The following NR5A1 variants were observed in gnomAD, a reference collection of about 807,000 sequenced individuals.
NR5A1 encodes the protein nuclear receptor subfamily 5 group A member 1.
NR5A1 carries 6 observed loss-of-function variants against 42.7 expected under a neutral mutation model. The ratio of observed to expected loss-of-function variants is 0.14; its 90% CI spans 0.08 to 0.28. The LOEUF (loss-of-function observed/expected upper bound fraction) is 0.28. Among genes scored for constraint, NR5A1 ranks in the 10% least tolerant of loss-of-function variants. NR5A1 has a pLI of 1.00. For synonymous variants in NR5A1, 274 were observed against 277.5 expected, an observed-to-expected ratio of 0.99 and a Z score of 0.12; for missense variants, 442 against 626.4, an observed-to-expected ratio of 0.71 and a Z score of 3.14.
chr9:124,482,444 G>C lies in NR5A1; in HGVS notation c.*314C>G, dbSNP rs903016039. 2.4e-6 allele frequency: 1 copy of C among 420,170 alleles called. No individual in the cohort carries two copies. The highest frequency in any genetic ancestry group is 4.5e-6 in the Non-Finnish European group (1 of 223,022). 26.0% of individuals were successfully genotyped at this position (420,170 alleles called of 1,614,324 possible). ...CCGAACCTCCTCCCCGGACCTGCAG[G>C]CTTCAGACTCCAGGAGAGAGAGCTG... On this transcript the variant is annotated 3_prime_UTR_variant, in exon 7 of 7. Coordinates refer to ENST00000373588, the MANE Select transcript of NR5A1 (RefSeq NM_004959.5).
rs1042873205 is a variant in NR5A1, at chr9:124,500,024, G to A, written c.870+66C>T. The stretch of plus-strand genomic sequence containing the variant: ...GGATGGCCCTATCCAAAGGACAGTC[G>A]GGCTAAGGCTTGGGCAGCCGGGAGG... On this transcript the variant is annotated intron_variant, in intron 4 of 6. Transcript: ENST00000373588. This position sits in a 1 kb window ranked among gnomAD's most constrained non-coding sequence, Gnocchi z 6.9. 1.1e-4 allele frequency: 181 copies of A among 1,610,802 alleles called. 2 individuals carry two copies. The South Asian group carries it at 1.8e-3, about 16-fold the overall frequency.
rs76584717 is a variant in NR5A1 at position 124,503,496 on chromosome 9, G to A, written c.-15-86C>T. ...GCCGCCGCCCCAGCCGCTGTCGCCG[G>A]CCCGTCGCGTAATCCCCTCTCTGTG... is the stretch of plus-strand genomic sequence containing the variant. On this transcript the variant is annotated intron_variant, in intron 1 of 6. Transcript: ENST00000373588. This position sits in a 1 kb window ranked among gnomAD's most constrained non-coding sequence, Gnocchi z 9.6. The A allele has an allele frequency of 9.3e-3, 10,512 of 1,125,338 alleles. 403 individuals carry two copies. In the East Asian group the frequency reaches 0.13, roughly 14 times the overall value. 69.7% of individuals were successfully genotyped at this position (1,125,338 alleles called of 1,614,324 possible). A position where few individuals can be genotyped will look rare whatever the true frequency, so the allele number is the denominator to read the frequency against.
rs562173609 is a variant in NR5A1 at position 124,488,873 on chromosome 9, G to A, written c.1138+2208C>T. Among the ~76,000 whole-genome samples, 551 of 152,326 alleles carry A rather than the reference G, an allele frequency of 3.6e-3. 2 individuals carry two copies. The highest frequency in any genetic ancestry group is 0.012 in the African/African-American group (509 of 41,586). On this transcript the variant is annotated intron_variant, in intron 6 of 6. Coordinates refer to ENST00000373588, the MANE Select transcript of NR5A1 (RefSeq NM_004959.5). ...TCTGTCACACACACAGCACGAGTGCGCACGCACGCACCCTTCTCCCCTCAA... is the reference window on the plus strand; with the variant it reads ...TCTGTCACACACACAGCACGAGTGCACACGCACGCACCCTTCTCCCCTCAA...
chr9:124,491,021 A>G, intron 6 of NR5A1, 60 bp downstream of exon 6: 29 of 237,390 alleles, frequency 1.2e-4, no homozygotes, highest in Non-Finnish European at 2.0e-4. Flanking sequence ...AGCCTCACCC[A>G]CCCTCCCACC....
chr9:124,493,265 T>C, intron 4 of NR5A1, 116 bp from the exon 5 acceptor site: 1 of 1,355,902 alleles, frequency 7.4e-7, no homozygotes, highest in Non-Finnish European at 9.9e-7. Context: ...CAAGCTAACC[T>C]CTCTGTGCCC....
chr9:124,503,886 C>A lies in NR5A1; in HGVS notation c.-15-476G>T, dbSNP rs560010315. Among the ~76,000 whole-genome samples the A allele has an allele frequency of 1.8e-4, 27 of 152,032 alleles. No homozygotes were observed. In the East Asian group the frequency reaches 4.5e-3, roughly 25 times the overall value. ...AGCCAGAGATGGGAAGAAACTCTGG[C>A]GAGAGACAACGACCGACGCCACCGG... On this transcript the variant is annotated intron_variant, in intron 1 of 6. Transcript: ENST00000373588. The surrounding 1 kb of genome is among the most constrained non-coding windows in gnomAD (Gnocchi z 9.6).
Position 124,503,555 on chromosome 9 carries a change from C to T in NR5A1, c.-15-145G>A. The T allele has an allele frequency of 1.7e-6, 1 of 597,146 alleles. No individual in the cohort carries two copies. The highest frequency in any genetic ancestry group is 3.5e-5 in the East Asian group (1 of 28,484). The allele number at this position is 597,146 out of a possible 1,614,324, so 37.0% of individuals were successfully genotyped here. ...CTGCCGCCGGCACCCACCGAGCGCC[C>T]CGCGCAGCGTCCCGGGGTGGGTCCG... On this transcript the variant is annotated intron_variant, in intron 1 of 6. Coordinates refer to ENST00000373588, the MANE Select transcript of NR5A1 (RefSeq NM_004959.5). The surrounding 1 kb of genome is among the most constrained non-coding windows in gnomAD (Gnocchi z 9.6).
In NR5A1 at chr9:124,498,070, C is replaced by G. The variant is rs542067424; in HGVS notation, c.870+2020G>C. ...CCCAGTGTCCAGCCCAAGGGCTGCT[C>G]CACTCTCAGAGCCAGAGAGCCCCCT... On this transcript the variant is annotated intron_variant, in intron 4 of 6. Transcript: ENST00000373588. This position sits in a 1 kb window ranked among gnomAD's most constrained non-coding sequence, Gnocchi z 4.6. 7.9e-5 allele frequency among the ~76,000 whole-genome samples: 12 copies of G among 152,194 alleles called. No homozygotes were observed. The highest frequency in any genetic ancestry group is 1.6e-4 in the Non-Finnish European group (11 of 68,026).
intron 5 of NR5A1, 45 bp downstream of exon 5, chr9:124,492,985 C>T (rs750819627): frequency 2.6e-5 from 39 of 1,525,088 alleles, no homozygotes; most frequent in Non-Finnish European, 3.3e-5. Context: ...AAGTGCACAG[C>T]GGGGCCAGGG....
In NR5A1 at chr9:124,498,825, C is replaced by T. The variant is rs374442020; in HGVS notation, c.870+1265G>A. Among the ~76,000 whole-genome samples, 43 of 152,328 alleles carry T rather than the reference C, an allele frequency of 2.8e-4. No individual in the cohort carries two copies. Among genetic ancestry groups the T allele is most frequent in the African/African-American group, 9.6e-4 (40 of 41,574 alleles). ...ATGACAGGCGCTCCACGGTGGAAGC[C>T]GTAGCCACCACCATCAATCCTCGAC... On this transcript the variant is annotated intron_variant, in intron 4 of 6. Transcript: ENST00000373588. The surrounding 1 kb of genome is among the most constrained non-coding windows in gnomAD (Gnocchi z 4.6).
intron 6 of NR5A1, 64 bp downstream of exon 6, chr9:124,491,017 A>AACCCCC: frequency 3.7e-5 from 17 of 457,440 alleles, no homozygotes; most frequent in Non-Finnish European, 6.7e-5. Context: ...CTCCAGCCTC[A>AACCCCC]CCCACCCTCC....
rs1650884256 is a variant in NR5A1 at position 124,501,183 on chromosome 9, A to C, written c.245-468T>G. Among the ~76,000 whole-genome samples, 1 of 152,018 alleles carries C rather than the reference A, an allele frequency of 6.6e-6. No individual in the cohort carries two copies. ...TCATGCCATGTGCTCCTGCGGGCTA[A>C]GTTCTGGGCTCAGGTGTCTAGCATA... On this transcript the variant is annotated intron_variant, in intron 3 of 6. Transcript: ENST00000373588. This position sits in a 1 kb window ranked among gnomAD's most constrained non-coding sequence, Gnocchi z 4.1.
intron 4 of NR5A1, among the ~76,000 whole-genome samples, chr9:124,499,079 G>A (rs966723382): frequency 6.6e-6 from 1 of 152,218 alleles, no homozygotes; most frequent in Non-Finnish European, 1.5e-5. Flanking sequence ...ACAGCCAGGG[G>A]GTCAGCCTGG....
Position 124,500,256 on chromosome 9 carries a change from G to A in NR5A1, c.704C>T (p.Pro235Leu), listed in dbSNP as rs199761539. Reference sequence around the variant, plus strand: ...GCGGGCCCGCACCTGGTCCTCATCCGGCTCCAGCTGCAGCAGCTGCAGGAT... The same window carrying A: ...GCGGGCCCGCACCTGGTCCTCATCCAGCTCCAGCTGCAGCAGCTGCAGGAT... The part of the protein sequence containing the change: ...ELILQLLQLE[P>L]DEDQVRARIL... The change falls in exon 4 of 7, where the codon CCG becomes CTG. Residue 235 changes from proline (P) to leucine (L), a missense_variant. Pro to Leu is a moderately conservative substitution (Grantham distance 98). Coordinates refer to ENST00000373588, the MANE Select transcript of NR5A1 (RefSeq NM_004959.5). This position sits in a 1 kb window ranked among gnomAD's most constrained non-coding sequence, Gnocchi z 6.9. The A allele has an allele frequency of 3.1e-5, 49 of 1,594,878 alleles. No homozygotes were observed. In the Admixed American group the frequency reaches 3.7e-4, roughly 12 times the overall value.
chr9:124,482,409 C>G lies in NR5A1; in HGVS notation c.*349G>C. On this transcript the variant is annotated 3_prime_UTR_variant, in exon 7 of 7. Transcript: ENST00000373588. The stretch of plus-strand genomic sequence containing the variant: ...CTGATCCAAGGGACGTCGAGGCCCA[C>G]CAGGGAATCCCGAACCTCCTCCCCG... The G allele has an allele frequency of 2.7e-6, 1 of 375,972 alleles. No homozygotes were observed. 23.3% of individuals were successfully genotyped at this position (375,972 alleles called of 1,614,324 possible). A position where few individuals can be genotyped will look rare whatever the true frequency, so the allele number is the denominator to read the frequency against.
rs1832497878 is a variant in NR5A1, at chr9:124,503,388, T to C, written c.8A>G (p.Tyr3Cys). Reference sequence around the variant, plus strand: ...CTCGTCCAGGTCCTCGTCGTACGAATAGTCCATGCCCGCGGCGTCCGCCTG... The same window carrying C: ...CTCGTCCAGGTCCTCGTCGTACGAACAGTCCATGCCCGCGGCGTCCGCCTG... MD[Y>C]SYDEDLDELC... Residue 3 changes from tyrosine (Y) to cysteine (C), a missense_variant, in exon 2 of 7, where the codon TAT becomes TGT. Physicochemically the swap from Tyr to Cys is radical, Grantham distance 194. Transcript: ENST00000373588. This position sits in a 1 kb window ranked among gnomAD's most constrained non-coding sequence, Gnocchi z 9.6. 1 of 1,609,628 alleles carries C rather than the reference T, an allele frequency of 6.2e-7. No homozygotes were observed. Among genetic ancestry groups the C allele is most frequent in the East Asian group, 2.2e-5 (1 of 44,780 alleles).
chr9:124,506,175 A>T (rs1832556412), intron 1 of NR5A1, among the ~76,000 whole-genome samples: 2 of 152,360 alleles, frequency 1.3e-5, no homozygotes, highest in South Asian at 2.1e-4. Flanking sequence ...GCTCACCCAC[A>T]GAAGGAGCAG....
At chr9:124,492,448 T>G (rs1280304662) in intron 5 of NR5A1, among the ~76,000 whole-genome samples, 1 of 151,872 alleles carries the variant, frequency 6.6e-6, no homozygotes, top group East Asian at 1.9e-4. Context: ...CAGATCCTCA[T>G]TCCCTGCTCT....
At chr9:124,494,852 C>G (rs1047079101) in intron 4 of NR5A1, among the ~76,000 whole-genome samples, 3 of 152,198 alleles carry the variant, frequency 2.0e-5, no homozygotes, top group African/African-American at 7.2e-5. Flanking sequence ...GGACCAGAGG[C>G]TCAGAGGGAC....
Sources: gnomAD v4.1 joint callset for allele counts (sites outside exome capture counted in the v4.1 genomes callset) on GRCh38, gnomAD v4.1.1 for gene constraint, Gnocchi (gnomAD v3.1) non-coding constraint, MANE v1.5 for transcripts, NCBI Gene and HGNC (gene_info 2026-07-23, HGNC 2026-07-21) for gene names.